TTLL11: variants seen among roughly 807,000 people sequenced by gnomAD.
The protein encoded by TTLL11 is tubulin polyglutamylase TTLL11.
TTLL11 carries 42 observed loss-of-function variants against 51.7 expected under a neutral mutation model. The ratio of observed to expected loss-of-function variants is 0.81; its 90% CI spans 0.64 to 1.05. The LOEUF (loss-of-function observed/expected upper bound fraction) is 1.05, where lower values mean the gene tolerates loss of function less well. Ranked by LOEUF, TTLL11 falls within the 50% of genes least tolerant of loss-of-function variation. The pLI, the probability that TTLL11 is intolerant of heterozygous loss-of-function variation, is 0.00. For missense variants in TTLL11, 799 were observed against 940.4 expected (o/e 0.85, Z 1.97); for synonymous variants, 381 against 383.5 (o/e 0.99, Z 0.08).
intron 8 of TTLL11, among the ~76,000 whole-genome samples, chr9:121,825,224 T>G (rs1043431549): frequency 1.3e-5 from 2 of 152,102 alleles, no homozygotes; most frequent in Non-Finnish European, 2.9e-5. Flanking sequence ...CATCTGTGTG[T>G]GTGTGTGAGA....
Position 121,960,308 on chromosome 9 carries a change from G to A in TTLL11, c.1481+13701C>T, listed in dbSNP as rs187176207. ...ATTTTCATTGACGTATAGTACTCCAGTGAGTGAATAACCATAATGAGTGCA... is the reference window on the plus strand; with the variant it reads ...ATTTTCATTGACGTATAGTACTCCAATGAGTGAATAACCATAATGAGTGCA... On this transcript the variant is annotated intron_variant, in intron 6 of 8. Coordinates refer to ENST00000321582, the MANE Select transcript of TTLL11 (RefSeq NM_001139442.2). Among the ~76,000 whole-genome samples the A allele has an allele frequency of 1.4e-3, 220 of 152,280 alleles. 1 individual carries two copies. Among genetic ancestry groups the A allele is most frequent in the Non-Finnish European group, 1.5e-3 (103 of 68,010 alleles).
At chr9:121,958,573 C>T (rs1842099216) in intron 6 of TTLL11, among the ~76,000 whole-genome samples, 1 of 152,146 alleles carries the variant, frequency 6.6e-6, no homozygotes, top group Non-Finnish European at 1.5e-5. Flanking sequence ...TCACAGAGGT[C>T]ATGGTGTATA....
chr9:121,913,305 C>T (rs1030537216), intron 6 of TTLL11, among the ~76,000 whole-genome samples: 5 of 152,110 alleles, frequency 3.3e-5, no homozygotes, highest in African/African-American at 9.7e-5. Flanking sequence ...ATCTTACTGA[C>T]GCTAATTATT....
intron 7 of TTLL11, among the ~76,000 whole-genome samples, chr9:121,866,172 C>T (rs992779158): frequency 6.6e-5 from 10 of 152,104 alleles, no homozygotes; most frequent in Admixed American, 6.5e-4. Context: ...TAACATATGG[C>T]ATTAATATTA....
chr9:121,997,388 GC>G (rs529464041), intron 3 of TTLL11, among the ~76,000 whole-genome samples: 64 of 152,168 alleles, frequency 4.2e-4, no homozygotes, highest in African/African-American at 1.5e-3. Context: ...TGCAGTCCCA[GC>G]CAGCCTCTGT....
intron 6 of TTLL11, among the ~76,000 whole-genome samples, chr9:121,971,145 C>T (rs1842544894): frequency 2.0e-5 from 2 of 97,628 alleles, no homozygotes; most frequent in Admixed American, 1.9e-4. Flanking sequence ...CCCGGCCAGC[C>T]GCCCCGTCCG....
chr9:122,024,373 T>C (rs934376768), intron 3 of TTLL11, among the ~76,000 whole-genome samples: 3 of 151,400 alleles, frequency 2.0e-5, no homozygotes, highest in African/African-American at 4.9e-5. Flanking sequence ...CAAAGTGATA[T>C]ATAGATTCAG....
At chr9:122,082,043 A>G (rs969915263) in intron 1 of TTLL11, among the ~76,000 whole-genome samples, 2 of 152,222 alleles carry the variant, frequency 1.3e-5, no homozygotes, top group Non-Finnish European at 2.9e-5. Context: ...AAAGATACAC[A>G]AGATGAATAG....
At chr9:122,022,298 C>T (rs907549145) in intron 3 of TTLL11, among the ~76,000 whole-genome samples, 2 of 151,792 alleles carry the variant, frequency 1.3e-5, no homozygotes, top group Non-Finnish European at 2.9e-5. Flanking sequence ...TGAGCTTTAA[C>T]ATGAGAAATA....
At chr9:121,955,272 T>C (rs901850922) in intron 6 of TTLL11, among the ~76,000 whole-genome samples, 1 of 152,212 alleles carries the variant, frequency 6.6e-6, no homozygotes, top group Non-Finnish European at 1.5e-5. Flanking sequence ...ATAGTTTGTG[T>C]GGTAGAAAAC....
Position 121,976,793 on chromosome 9 carries a change from C to A in TTLL11, c.1270-1814G>T, listed in dbSNP as rs568741271. ...AGTCATCCTCACTCTATTTTTCTTT[C>A]CTTGGTCATGAAAAGAAAGAAATGG... is the stretch of plus-strand genomic sequence containing the variant. On this transcript the variant is annotated intron_variant, in intron 4 of 8. Coordinates refer to ENST00000321582, the MANE Select transcript of TTLL11 (RefSeq NM_001139442.2). 2.6e-5 allele frequency among the ~76,000 whole-genome samples: 4 copies of A among 152,152 alleles called. No homozygotes were observed. In the East Asian group the frequency reaches 7.7e-4, roughly 29 times the overall value.
chr9:122,073,583 T>TTTAAGCTGAGA (rs1216100775), intron 1 of TTLL11, among the ~76,000 whole-genome samples: 1 of 151,888 alleles, frequency 6.6e-6, no homozygotes, highest in Non-Finnish European at 1.5e-5. Context: ...GAAAGTGAGA[T>TTTAAGCTGAGA]TTAAGCTGAG....
At chr9:121,936,452 C>G (rs1454483648) in intron 6 of TTLL11, among the ~76,000 whole-genome samples, 1 of 151,982 alleles carries the variant, frequency 6.6e-6, no homozygotes, top group African/African-American at 2.4e-5. Flanking sequence ...TTATATCAAG[C>G]TGGATTGCAG....
At chr9:122,028,567 G>A (rs1190572693) in intron 3 of TTLL11, among the ~76,000 whole-genome samples, 1 of 152,130 alleles carries the variant, frequency 6.6e-6, no homozygotes, top group African/African-American at 2.4e-5. Flanking sequence ...AAGAGAAGCA[G>A]ACAATCCAAA....
intron 6 of TTLL11, among the ~76,000 whole-genome samples, chr9:121,875,637 T>C (rs1385722332): frequency 6.6e-6 from 1 of 152,216 alleles, no homozygotes; most frequent in Non-Finnish European, 1.5e-5. Flanking sequence ...AGAAATGGTA[T>C]CTTTGCTGGA....
At chr9:121,968,358 A>T (rs1389547880) in intron 6 of TTLL11, among the ~76,000 whole-genome samples, 2 of 152,216 alleles carry the variant, frequency 1.3e-5, no homozygotes, top group Non-Finnish European at 2.9e-5. Flanking sequence ...AATATCAGCC[A>T]GTGACATCTT....
At chr9:121,893,920 T>A (rs1309564684) in intron 6 of TTLL11, among the ~76,000 whole-genome samples, 1 of 152,310 alleles carries the variant, frequency 6.6e-6, no homozygotes, top group Non-Finnish European at 1.5e-5. Context: ...GAGAAAAATG[T>A]AAGTATCATC....
At position 121,896,912 on chromosome 9, in the gene TTLL11, G is replaced by A. The variant is rs180841591; in HGVS notation, c.1482-26164C>T. 5.9e-5 allele frequency among the ~76,000 whole-genome samples: 9 copies of A among 152,320 alleles called. No individual in the cohort carries two copies. In the East Asian group the frequency reaches 1.4e-3, roughly 23 times the overall value. On this transcript the variant is annotated intron_variant, in intron 6 of 8. Transcript: ENST00000321582. ...AGCCGCGCACTACAGACCACGCCTC[G>A]AGTCAGCTGTAGGTCTTTTCCTTAT...
At chr9:122,046,908 T>G (rs1172010188) in intron 1 of TTLL11, among the ~76,000 whole-genome samples, 1 of 152,144 alleles carries the variant, frequency 6.6e-6, no homozygotes, top group Non-Finnish European at 1.5e-5. Context: ...ACTCATTAGG[T>G]GTTGATTAAG....
Sources: gnomAD v4.1 joint callset for allele counts (sites outside exome capture counted in the v4.1 genomes callset) on GRCh38, gnomAD v4.1.1 for gene constraint, MANE v1.5 for transcripts, NCBI Gene and HGNC (gene_info 2026-07-23, HGNC 2026-07-21) for gene names.